The following MSANTD1 variants were observed in gnomAD, a reference collection of about 807,000 sequenced individuals.
The protein encoded by MSANTD1 is Myb/SANT DNA binding domain containing 1, also known as myb/SANT-like DNA-binding domain-containing protein 1.
In MSANTD1, 7 loss-of-function variants were observed where a neutral mutation model predicts 24.2. The ratio of observed to expected loss-of-function variants is 0.29; its 90% CI spans 0.16 to 0.54. The LOEUF (loss-of-function observed/expected upper bound fraction) is 0.54. Ranked by LOEUF, MSANTD1 falls within the 20% of genes least tolerant of loss-of-function variation. MSANTD1 has a pLI of 0.94. For missense variants in MSANTD1, 384 were observed against 408.2 expected (o/e 0.94, Z 0.51); for synonymous variants, 177 against 181.1 (o/e 0.98, Z 0.18).
chr4:3,248,811 C>T (rs563855554), upstream of MSANTD1: 173 of 165,802 alleles, frequency 1.0e-3, 1 homozygote, highest in African/African-American at 3.6e-3. Context: ...TTGGGGGACT[C>T]AGCCTCCTCG....
In MSANTD1 at chr4:3,253,242, C is replaced by T. The variant is rs556062681; in HGVS notation, c.356C>T (p.Pro119Leu). Residue 119 changes from proline (P) to leucine (L), a missense_variant, in exon 2 of 3, where the codon CCG becomes CTG. Physicochemically the swap from Pro to Leu is moderately conservative, Grantham distance 98 (BLOSUM62 -3). Transcript: ENST00000438480. ...LKCMTDSESA[P>L]PDWPYYLAID... is the part of the protein sequence containing the mutation. Reference sequence around the variant, plus strand: ...TGCATGACAGATAGCGAGTCCGCCCCGCCCGACTGGCCCTATTACCTAGCC... The same window carrying T: ...TGCATGACAGATAGCGAGTCCGCCCTGCCCGACTGGCCCTATTACCTAGCC... The T allele has an allele frequency of 2.6e-4, 416 of 1,584,472 alleles. 6 individuals carry two copies. The South Asian group carries it at 4.4e-3, about 17-fold the overall frequency.
chr4:3,245,436 TGGAGCCGCCACTGAAG>T (rs1011750364), upstream of MSANTD1: 2 of 152,356 alleles, frequency 1.3e-5, no homozygotes, highest in Non-Finnish European at 2.9e-5. Context: ...GAGTACCGGG[TGGAGCCGCCACTGAAG>T]GGACTGGGTA....
At chr4:3,251,635 T>C (rs956595769) in intron 1 of MSANTD1, among the ~76,000 whole-genome samples, 9 of 151,718 alleles carry the variant, frequency 5.9e-5, no homozygotes, top group African/African-American at 2.2e-4. Context: ...ATCTTTGTCC[T>C]TTTTCTTTAT....
At chr4:3,247,337 C>T (rs999746348), upstream of MSANTD1, 2 of 152,366 alleles carry the variant, frequency 1.3e-5, no homozygotes, top group African/African-American at 4.8e-5. Flanking sequence ...TGCCTTTCTG[C>T]TTACCCCTTG....
rs1380929874 is a variant in MSANTD1 at position 3,256,223 on chromosome 4, A to C, written c.*258A>C. On this transcript the variant is annotated 3_prime_UTR_variant, in exon 3 of 3. Transcript: ENST00000438480. ...GGGCCTCTGGGGTTCACTCCGAGTA[A>C]GAACGTCCTAGAGCCACTCTCCAGT... 1 of 400,748 alleles carries C rather than the reference A, an allele frequency of 2.5e-6. No individual in the cohort carries two copies. The highest frequency in any genetic ancestry group is 4.4e-6 in the Non-Finnish European group (1 of 226,030). 24.8% of individuals were successfully genotyped at this position (400,748 alleles called of 1,614,324 possible).
At chr4:3,246,762 G>T, upstream of MSANTD1, 1 of 640,922 alleles carries the variant, frequency 1.6e-6, no homozygotes, top group Non-Finnish European at 2.8e-6. Flanking sequence ...TGCCTGCCTG[G>T]TTCTTGTCCT....
chr4:3,246,945 G>T (rs1167193409), upstream of MSANTD1, among the ~76,000 whole-genome samples: 1 of 152,158 alleles, frequency 6.6e-6, no homozygotes, highest in Non-Finnish European at 1.5e-5. Context: ...TGCCAGGCAG[G>T]GCCCTGCCTC....
At chr4:3,246,675 G>A (rs773406632), upstream of MSANTD1, 33 of 697,264 alleles carry the variant, frequency 4.7e-5, no homozygotes, top group Non-Finnish European at 6.5e-5. Context: ...GCCAAGGTAC[G>A]AGCCCCTCCC....
In MSANTD1 at chr4:3,253,187, T is replaced by G; in HGVS notation, c.321-20T>G. 1 of 1,525,692 alleles carries G rather than the reference T, an allele frequency of 6.6e-7. No homozygotes were observed. Among genetic ancestry groups the G allele is most frequent in the Non-Finnish European group, 8.9e-7 (1 of 1,129,596 alleles). The allele number at this position is 1,525,692 out of a possible 1,614,324, so 94.5% of individuals were successfully genotyped here. A position where few individuals can be genotyped will look rare whatever the true frequency, so the allele number is the denominator to read the frequency against. On this transcript the variant is annotated intron_variant, in intron 1 of 2. Transcript: ENST00000438480. Reference sequence around the variant, plus strand: ...GCCAGCTCTGTTTCTCACCCTTGGCTCTTGTGTCTCTCGTTTCAGGAAATT... The same window carrying G: ...GCCAGCTCTGTTTCTCACCCTTGGCGCTTGTGTCTCTCGTTTCAGGAAATT...
At chr4:3,253,143 T>C (rs2110321685) in intron 1 of MSANTD1, 64 bp from the exon 2 acceptor site, 1 of 1,443,706 alleles carries the variant, frequency 6.9e-7, no homozygotes, top group Non-Finnish European at 9.2e-7. Flanking sequence ...CTGCTGAGGC[T>C]GGGCAGGACA....
Position 3,249,353 on chromosome 4 carries a change from G to A in MSANTD1, c.131G>A (p.Arg44His), listed in dbSNP as rs1212132246. Residue 44 changes from arginine (R) to histidine (H), a missense_variant, in exon 1 of 3, where the codon CGC becomes CAC. Transcript: ENST00000438480. ...CAGGCGGAGAAGCACCGGCGGGCCCGCAACTGGACGGACGCCGAGATGCGC... is the reference window on the plus strand; with the variant it reads ...CAGGCGGAGAAGCACCGGCGGGCCCACAACTGGACGGACGCCGAGATGCGC... ...SPQAEKHRRA[R>H]NWTDAEMRGL... 2.6e-6 allele frequency: 4 copies of A among 1,555,908 alleles called. No individual in the cohort carries two copies. Among genetic ancestry groups the A allele is most frequent in the African/African-American group, 1.4e-5 (1 of 73,704 alleles).
chr4:3,249,237 C>G lies in MSANTD1; in HGVS notation c.15C>G (p.Ala5=). Residue 5 remains alanine (A), a synonymous_variant, in exon 1 of 3, where the codon GCC becomes GCG. Transcript: ENST00000438480. The part of the protein sequence containing the change: MVRG[A]GPGPSLSALS... The stretch of plus-strand genomic sequence containing the variant: ...GCCTCCCGCCCATGGTGCGTGGGGC[C>G]GGGCCGGGGCCCTCGCTGAGCGCGC... The G allele has an allele frequency of 7.0e-7, 1 of 1,423,976 alleles. No homozygotes were observed. Among genetic ancestry groups the G allele is most frequent in the East Asian group, 2.6e-5 (1 of 38,270 alleles). The allele number at this position is 1,423,976 out of a possible 1,614,324, so 88.2% of individuals were successfully genotyped here.
intron 1 of MSANTD1, among the ~76,000 whole-genome samples, chr4:3,251,676 CTTTTTTTTTTCTTTTTCT>C (rs1384469450): frequency 1.4e-5 from 2 of 142,070 alleles, no homozygotes; most frequent in African/African-American, 5.4e-5. Flanking sequence ...AGAGGCTTTT[CTTTTTTTTTTCTTTTTCT>C]TTTTTTTTTT....
Position 3,249,253 on chromosome 4 carries a change from C to G in MSANTD1, c.31C>G (p.Leu11Val). The change falls in exon 1 of 3, where the codon CTG (leucine) becomes GTG (valine). Residue 11 changes from leucine (L) to valine (V), a missense_variant. Coordinates refer to ENST00000438480, the MANE Select transcript of MSANTD1 (RefSeq NM_001042690.2). The stretch of plus-strand genomic sequence containing the variant: ...GCGTGGGGCCGGGCCGGGGCCCTCG[C>G]TGAGCGCGCTCTCTCACCCCACAGG... MVRGAGPGPS[L>V]SALSHPTGAS... 5.5e-6 allele frequency: 8 copies of G among 1,458,454 alleles called. No individual in the cohort carries two copies. The highest frequency in any genetic ancestry group is 7.2e-6 in the Non-Finnish European group (8 of 1,103,900). 90.3% of individuals were successfully genotyped at this position (1,458,454 alleles called of 1,614,324 possible). A position where few individuals can be genotyped will look rare whatever the true frequency, so the allele number is the denominator to read the frequency against.
intron 2 of MSANTD1, among the ~76,000 whole-genome samples, chr4:3,254,195 G>C (rs887004978): frequency 6.6e-6 from 1 of 152,184 alleles, no homozygotes; most frequent in African/African-American, 2.4e-5. Flanking sequence ...GCAAGAACAG[G>C]AAGATTGTGG....
intron 2 of MSANTD1, 87 bp downstream of exon 2, chr4:3,253,569 G>A (rs941902184): frequency 1.8e-5 from 25 of 1,359,046 alleles, no homozygotes; most frequent in Middle Eastern, 1.9e-4. Flanking sequence ...CAAGGCCGGC[G>A]GCGGCGGCCA....
At chr4:3,248,960 G>A (rs901875990), upstream of MSANTD1, 12 of 363,118 alleles carry the variant, frequency 3.3e-5, no homozygotes, top group South Asian at 1.4e-4. Flanking sequence ...TGAGAGGCAG[G>A]GCCGGGAGCC....
At chr4:3,251,848 G>A (rs1722240250) in intron 1 of MSANTD1, among the ~76,000 whole-genome samples, 1 of 152,122 alleles carries the variant, frequency 6.6e-6, no homozygotes, top group Non-Finnish European at 1.5e-5. Context: ...TCCAAAGAGT[G>A]GGCTGGCTCA....
At chr4:3,252,553 T>A (rs1722259385) in intron 1 of MSANTD1, among the ~76,000 whole-genome samples, 1 of 152,220 alleles carries the variant, frequency 6.6e-6, no homozygotes, top group African/African-American at 2.4e-5. Context: ...CTTTATTAAA[T>A]CTGCCCTGTA....
Sources: gnomAD v4.1 joint callset for allele counts (sites outside exome capture counted in the v4.1 genomes callset) on GRCh38, gnomAD v4.1.1 for gene constraint, MANE v1.5 for transcripts, NCBI Gene and HGNC (gene_info 2026-07-23, HGNC 2026-07-21) for gene names.